Variants in MAP2K4 observed in about 807,000 individuals in gnomAD.
MAP2K4 encodes dual specificity mitogen-activated protein kinase kinase 4.
Under a neutral mutation model 48.5 loss-of-function variants are expected in MAP2K4, and 4 were observed. The observed-to-expected ratio is 0.08, with a 90% CI of 0.04 to 0.19. The LOEUF (loss-of-function observed/expected upper bound fraction) is 0.19. MAP2K4 is among the 10% of genes least tolerant of loss of function. The pLI, the probability that MAP2K4 is intolerant of heterozygous loss-of-function variation, is 1.00. For synonymous variants in MAP2K4, 166 were observed against 173.1 expected (o/e 0.96, Z 0.32); for missense variants, 258 against 493.3 (o/e 0.52, Z 4.52).
chr17:12,068,202 G>C (rs1970676301), intron 2 of MAP2K4, among the ~76,000 whole-genome samples: 1 of 152,184 alleles, frequency 6.6e-6, no homozygotes, highest in Non-Finnish European at 1.5e-5. Context: ...AGACAGTTAG[G>C]TATGGAGAGA....
rs191518189 is a variant in MAP2K4 at position 12,062,066 on chromosome 17, C to G, written c.218+7075C>G. Among the ~76,000 whole-genome samples, 391 of 147,630 alleles carry G rather than the reference C, an allele frequency of 2.6e-3. 2 individuals are homozygous for G. The highest frequency in any genetic ancestry group is 8.1e-3 in the African/African-American group (328 of 40,506). ...CACTCAGTTCTCCCCCTCTCCCCCC[C>G]CTTTTTTTCTTTTTTTGAGTTAGCT... On this transcript the variant is annotated intron_variant, in intron 2 of 10. Transcript: ENST00000353533.
At chr17:12,031,625 T>C (rs1175601306) in intron 1 of MAP2K4, among the ~76,000 whole-genome samples, 1 of 152,182 alleles carries the variant, frequency 6.6e-6, no homozygotes, top group Non-Finnish European at 1.5e-5. Flanking sequence ...GAAAATGTGT[T>C]TAGGTTTCTA....
At chr17:12,097,109 C>T (rs992747724) in intron 4 of MAP2K4, among the ~76,000 whole-genome samples, 1 of 152,164 alleles carries the variant, frequency 6.6e-6, no homozygotes, top group Admixed American at 6.5e-5. Flanking sequence ...GAACTTTCTT[C>T]ATGTTGCACA....
intron 1 of MAP2K4, among the ~76,000 whole-genome samples, chr17:12,033,908 G>A (rs955134402): frequency 6.6e-6 from 1 of 152,088 alleles, no homozygotes; most frequent in Admixed American, 6.6e-5. Flanking sequence ...TCCCACCTCA[G>A]CCTCCCAAGC....
intron 8 of MAP2K4, among the ~76,000 whole-genome samples, chr17:12,126,636 T>A (rs1249028797): frequency 1.3e-5 from 2 of 152,192 alleles, no homozygotes; most frequent in Non-Finnish European, 2.9e-5. Flanking sequence ...CCCCATCACT[T>A]CCCAAAGATC....
At chr17:12,127,211 T>C (rs576145781) in intron 8 of MAP2K4, among the ~76,000 whole-genome samples, 3 of 152,310 alleles carry the variant, frequency 2.0e-5, no homozygotes, top group Middle Eastern at 3.4e-3. Context: ...TGACCAAATA[T>C]AGGAAATACC....
intron 1 of MAP2K4, among the ~76,000 whole-genome samples, chr17:12,022,290 T>C (rs1332445777): frequency 6.6e-6 from 1 of 152,180 alleles, no homozygotes; most frequent in Non-Finnish European, 1.5e-5. Flanking sequence ...CAGTGATAGA[T>C]ATATAGACAG....
intron 9 of MAP2K4, among the ~76,000 whole-genome samples, chr17:12,136,932 C>T (rs924215345): frequency 7.9e-5 from 12 of 151,876 alleles, no homozygotes; most frequent in African/African-American, 2.4e-4. Flanking sequence ...AAAATGATAT[C>T]AGTTACTTCC....
intron 9 of MAP2K4, among the ~76,000 whole-genome samples, chr17:12,131,257 T>C (rs1194668366): frequency 6.6e-6 from 1 of 150,476 alleles, no homozygotes; most frequent in African/African-American, 2.4e-5. Flanking sequence ...TTTTTCTTTC[T>C]TGTTTTTTTG....
chr17:12,126,621 C>T (rs1391342668), intron 8 of MAP2K4, among the ~76,000 whole-genome samples: 2 of 152,216 alleles, frequency 1.3e-5, no homozygotes, highest in African/African-American at 2.4e-5. Flanking sequence ...GTTCCACCCT[C>T]GTGACCCCAT....
rs576650761 is a variant in MAP2K4, at chr17:12,076,771, C to T, written c.219-4585C>T. On this transcript the variant is annotated intron_variant, in intron 2 of 10. Transcript: ENST00000353533. ...TCTAGAATGTGGAACTGTTAAGTCT[C>T]TGGGAACCAAGAATTATTAGATGTG... is the stretch of plus-strand genomic sequence containing the variant. 3.3e-5 allele frequency among the ~76,000 whole-genome samples: 5 copies of T among 152,184 alleles called. No individual in the cohort carries two copies. In the South Asian group the frequency reaches 1.0e-3, roughly 32 times the overall value.
At chr17:12,030,908 C>T (rs1969416855) in intron 1 of MAP2K4, among the ~76,000 whole-genome samples, 1 of 152,186 alleles carries the variant, frequency 6.6e-6, no homozygotes, top group African/African-American at 2.4e-5. Context: ...GCGGGGAAGA[C>T]TTGCCTGCTA....
At chr17:12,073,770 A>AT (rs200587573) in intron 2 of MAP2K4, among the ~76,000 whole-genome samples, 48,890 of 137,626 alleles carry the variant, frequency 0.36, 9,500 homozygotes, top group Non-Finnish European at 0.44. Context: ...CTCGTTGTAG[A>AT]TTTTTTTTTT....
chr17:12,109,342 C>CT (rs1972230435), intron 5 of MAP2K4, among the ~76,000 whole-genome samples: 1 of 152,072 alleles, frequency 6.6e-6, no homozygotes, highest in African/African-American at 2.4e-5. Context: ...TTGGTGATCA[C>CT]TTTATATATA....
At chr17:12,092,822 C>G (rs1030667020) in intron 3 of MAP2K4, among the ~76,000 whole-genome samples, 2 of 152,058 alleles carry the variant, frequency 1.3e-5, no homozygotes, top group Non-Finnish European at 2.9e-5. Flanking sequence ...GTCAGGAGAT[C>G]GAGACTATCC....
At chr17:12,137,717 T>C (rs1418532684) in intron 9 of MAP2K4, among the ~76,000 whole-genome samples, 1 of 152,138 alleles carries the variant, frequency 6.6e-6, no homozygotes, top group East Asian at 1.9e-4. Flanking sequence ...AAGAAAACAT[T>C]TGAGAACTGA....
chr17:12,125,765 G>T (rs753562261), intron 8 of MAP2K4, among the ~76,000 whole-genome samples: 1 of 152,166 alleles, frequency 6.6e-6, no homozygotes, highest in African/African-American at 2.4e-5. Context: ...ACTGTATATA[G>T]TGTGTATATT....
intron 9 of MAP2K4, among the ~76,000 whole-genome samples, 171 bp downstream of exon 9, chr17:12,129,458 C>G (rs1241193612): frequency 6.6e-6 from 1 of 152,186 alleles, no homozygotes; most frequent in Admixed American, 6.5e-5. Flanking sequence ...TTACAGCTAG[C>G]TGGGAGAGGC....
At chr17:12,073,828 A>AGT (rs1010239250) in intron 2 of MAP2K4, among the ~76,000 whole-genome samples, 5 of 144,560 alleles carry the variant, frequency 3.5e-5, no homozygotes, top group African/African-American at 1.3e-4. Context: ...GCTGGAGTGC[A>AGT]GTGGCGTGAT....
Sources: gnomAD v4.1 joint callset for allele counts (sites outside exome capture counted in the v4.1 genomes callset) on GRCh38, gnomAD v4.1.1 for gene constraint, MANE v1.5 for transcripts, NCBI Gene and HGNC (gene_info 2026-07-23, HGNC 2026-07-21) for gene names.